RBFOX1: variants seen among roughly 807,000 people sequenced by gnomAD.
RBFOX1 encodes the protein RNA binding protein fox-1 homolog 1.
Under a neutral mutation model 57.7 loss-of-function variants are expected in RBFOX1, and 8 were observed. The ratio of observed to expected loss-of-function variants is 0.14; its 90% CI spans 0.08 to 0.25. The LOEUF is 0.25. Among genes scored for constraint, RBFOX1 ranks in the 10% least tolerant of loss-of-function variants. The pLI is 1.00. For missense variants in RBFOX1, 611 were observed against 548.5 expected, an observed-to-expected ratio of 1.11 and a Z score of -1.14; for synonymous variants, 326 against 222.4, an observed-to-expected ratio of 1.47 and a Z score of -4.15.
intron 13 of RBFOX1, among the ~76,000 whole-genome samples, chr16:7,672,865 C>CAA (rs56693228): frequency 0.01 from 447 of 42,864 alleles, 96 homozygotes; most frequent in African/African-American, 0.053. Context: ...GACTCCATCT[C>CAA]AAAAAAAAAA....
intron 1 of RBFOX1, among the ~76,000 whole-genome samples, chr16:6,259,315 C>G (rs1310806190): frequency 6.6e-6 from 1 of 152,090 alleles, no homozygotes; most frequent in African/African-American, 2.4e-5. Context: ...CAGTCTCCCT[C>G]CTCTCCTCTC....
At chr16:5,760,410 A>G (rs533020313) in intron 3 of RBFOX1, among the ~76,000 whole-genome samples, 92 of 152,248 alleles carry the variant, frequency 6.0e-4, no homozygotes, top group African/African-American at 2.1e-3. Context: ...ACACATACAT[A>G]TATACCCCCA....
chr16:5,755,472 T>C (rs949491906), intron 3 of RBFOX1, among the ~76,000 whole-genome samples: 3 of 152,182 alleles, frequency 2.0e-5, no homozygotes, highest in African/African-American at 7.2e-5. Context: ...CATGTGGCTG[T>C]TGAGTGTTAG....
At chr16:7,054,494 G>A (rs897117221) in intron 4 of RBFOX1, among the ~76,000 whole-genome samples, 5 of 138,898 alleles carry the variant, frequency 3.6e-5, no homozygotes, top group African/African-American at 5.1e-5. Flanking sequence ...GCCAGCCTCG[G>A]CCCCCCAAGG....
chr16:6,524,941 A>T (rs1264039140), intron 2 of RBFOX1, among the ~76,000 whole-genome samples: 1 of 152,060 alleles, frequency 6.6e-6, no homozygotes, highest in South Asian at 2.1e-4. Flanking sequence ...AACTAATTAT[A>T]TCGGCAAGGA....
chr16:5,549,005 T>C (rs140900121), intron 2 of RBFOX1, among the ~76,000 whole-genome samples: 18 of 152,356 alleles, frequency 1.2e-4, no homozygotes, highest in African/African-American at 4.3e-4. Context: ...TGGATGTGGA[T>C]GCTGATACAG....
At chr16:6,884,049 A>T (rs1367131406) in intron 3 of RBFOX1, among the ~76,000 whole-genome samples, 1 of 152,108 alleles carries the variant, frequency 6.6e-6, no homozygotes, top group Admixed American at 6.5e-5. Flanking sequence ...TGATCCTGTT[A>T]AGCATCCACT....
At chr16:7,466,669 T>C (rs1248139193) in intron 4 of RBFOX1, among the ~76,000 whole-genome samples, 1 of 152,226 alleles carries the variant, frequency 6.6e-6, no homozygotes, top group Non-Finnish European at 1.5e-5. Context: ...AATCTCAGTG[T>C]CCACATCTGT....
intron 2 of RBFOX1, among the ~76,000 whole-genome samples, chr16:6,491,252 G>C (rs2095626593): frequency 6.6e-6 from 1 of 151,400 alleles, no homozygotes; most frequent in Non-Finnish European, 1.5e-5. Context: ...ATGAAAGAAA[G>C]AATGGGAAGT....
At chr16:7,377,989 G>A (rs577010218) in intron 4 of RBFOX1, among the ~76,000 whole-genome samples, 3 of 152,312 alleles carry the variant, frequency 2.0e-5, no homozygotes, top group African/African-American at 7.2e-5. Flanking sequence ...AGAGCACGGG[G>A]AACAGAATGT....
intron 3 of RBFOX1, among the ~76,000 whole-genome samples, chr16:6,837,333 G>A (rs745716703): frequency 6.6e-6 from 1 of 152,182 alleles, no homozygotes; most frequent in East Asian, 1.9e-4. Context: ...GTGCCACCTG[G>A]CTGACTCTGA....
intron 4 of RBFOX1, among the ~76,000 whole-genome samples, chr16:7,155,224 T>A (rs995373651): frequency 1.3e-5 from 2 of 152,090 alleles, no homozygotes; most frequent in Non-Finnish European, 2.9e-5. Flanking sequence ...TTTAAAAAAA[T>A]TAATTTTGAG....
chr16:7,260,748 G>A (rs1324768635), intron 4 of RBFOX1, among the ~76,000 whole-genome samples: 2 of 152,138 alleles, frequency 1.3e-5, no homozygotes. Flanking sequence ...CGAACTTCAG[G>A]ATAGAACACA....
intron 4 of RBFOX1, among the ~76,000 whole-genome samples, chr16:7,081,613 C>G (rs17142156): frequency 2.0e-5 from 3 of 152,250 alleles, no homozygotes; most frequent in South Asian, 2.1e-4. Flanking sequence ...TGACTCAGTA[C>G]AAATTGATCA....
At chr16:5,405,276 A>C (rs2066833930) in intron 1 of RBFOX1, among the ~76,000 whole-genome samples, 4 of 152,222 alleles carry the variant, frequency 2.6e-5, no homozygotes, top group Admixed American at 2.6e-4. Flanking sequence ...AGCTCCCACA[A>C]TTCCTGCATG....
At chr16:7,170,035 A>C (rs981810006) in intron 4 of RBFOX1, among the ~76,000 whole-genome samples, 1 of 152,130 alleles carries the variant, frequency 6.6e-6, no homozygotes, top group East Asian at 1.9e-4. Flanking sequence ...GATTGTGCCA[A>C]TGCACTCTAG....
chr16:6,234,554 A>G (rs2097490505), intron 1 of RBFOX1, among the ~76,000 whole-genome samples: 2 of 152,204 alleles, frequency 1.3e-5, no homozygotes, highest in Non-Finnish European at 2.9e-5. Flanking sequence ...GAATAGGAGC[A>G]GAGAAATGGG....
rs557655456 is a variant in RBFOX1, at chr16:6,980,248, T to C, written c.-15-71809T>C. Among the ~76,000 whole-genome samples, 3 of 152,340 alleles carry C rather than the reference T, an allele frequency of 2.0e-5. No individual in the cohort carries two copies. The East Asian group carries it at 5.8e-4, about 29-fold the overall frequency. ...AATTACCGCAAAATTTTATTTCCTA[T>C]ACAAATGTGCTGTGTCAGGTGTGAG... On this transcript the variant is annotated intron_variant, in intron 3 of 15. Coordinates refer to ENST00000550418, the MANE Select transcript of RBFOX1 (RefSeq NM_018723.4).
chr16:5,357,385 A>T (rs2065420056), intron 1 of RBFOX1, among the ~76,000 whole-genome samples: 1 of 152,226 alleles, frequency 6.6e-6, no homozygotes. Flanking sequence ...GTGTAAATGC[A>T]GGTGCAGAGG....
Sources: allele counts gnomAD v4.1 joint callset (sites outside exome capture counted in the v4.1 genomes callset), GRCh38; gene constraint gnomAD v4.1.1; transcripts MANE v1.5; gene names NCBI Gene and HGNC (gene_info 2026-07-23, HGNC 2026-07-21).